Variants in PAN3 observed in about 807,000 individuals in gnomAD.
The protein encoded by PAN3 is PAN2-PAN3 deadenylation complex subunit PAN3.
Under a neutral mutation model 96.2 loss-of-function variants are expected in PAN3, and 19 were observed. That is an observed-to-expected ratio of 0.20 (90% CI 0.14 to 0.29). PAN3 has a LOEUF of 0.29. Ranked by LOEUF, PAN3 falls within the 10% of genes least tolerant of loss-of-function variation. PAN3 has a pLI of 1.00. For synonymous variants in PAN3, 433 were observed against 406.6 expected, an observed-to-expected ratio of 1.06 and a Z score of -0.78; for missense variants, 882 against 1,108.1, an observed-to-expected ratio of 0.80 and a Z score of 2.90.
At chr13:28,175,168 G>A (rs1874803636) in intron 2 of PAN3, among the ~76,000 whole-genome samples, 1 of 152,172 alleles carries the variant, frequency 6.6e-6, no homozygotes, top group Admixed American at 6.5e-5. Context: ...TCTAGTTTCT[G>A]TGATGTACTA....
At position 28,293,386 on chromosome 13, in the gene PAN3, G is replaced by GTTTT. The variant is rs1231224488; in HGVS notation, c.*864_*865insTTTT. ...TACTTTAGGTTCTTTCCAGTTTGCT[G>GTTTT]GTTTTTTTTTTTTTTTTTTTTTTTT... On this transcript the variant is annotated 3_prime_UTR_variant, in exon 19 of 19. Coordinates refer to ENST00000380958, the MANE Select transcript of PAN3 (RefSeq NM_175854.8). The GTTTT allele has an allele frequency of 4.0e-5, 2 of 50,340 alleles. No individual in the cohort carries two copies. The highest frequency in any genetic ancestry group is 7.1e-5 in the Non-Finnish European group (2 of 28,368). The allele number at this position is 50,340 out of a possible 1,614,324, so 3.1% of individuals were successfully genotyped here. A position where few individuals can be genotyped will look rare whatever the true frequency, so the allele number is the denominator to read the frequency against.
rs538494197 is a variant in PAN3 at position 28,178,181 on chromosome 13, A to G, written c.690+246A>G. ...CTGCTTATTTTTGTTCAGTTTATTT[A>G]TCTCAATGTATTCTGTTCTTAAGAT... is the stretch of plus-strand genomic sequence containing the variant. On this transcript the variant is annotated intron_variant, in intron 4 of 18. Coordinates refer to ENST00000380958, the MANE Select transcript of PAN3 (RefSeq NM_175854.8). 2.6e-5 allele frequency among the ~76,000 whole-genome samples: 4 copies of G among 152,194 alleles called. No individual in the cohort carries two copies. In the South Asian group the frequency reaches 8.3e-4, roughly 32 times the overall value.
chr13:28,262,188 T>C (rs1885797258), intron 9 of PAN3, among the ~76,000 whole-genome samples: 1 of 152,208 alleles, frequency 6.6e-6, no homozygotes, highest in African/African-American at 2.4e-5. Flanking sequence ...ACAGGTTAAG[T>C]AACTTAACCT....
chr13:28,268,156 G>A (rs777689585), intron 12 of PAN3, among the ~76,000 whole-genome samples: 10 of 152,044 alleles, frequency 6.6e-5, no homozygotes, highest in Non-Finnish European at 1.3e-4. Context: ...TACAACCATT[G>A]TGAATCTTTT....
intron 1 of PAN3, among the ~76,000 whole-genome samples, chr13:28,149,312 G>A (rs1455511412): frequency 6.6e-6 from 1 of 152,074 alleles, no homozygotes; most frequent in South Asian, 2.1e-4. Flanking sequence ...GCAGTGAGCC[G>A]TGATCATGCC....
chr13:28,195,518 A>G (rs569846229), intron 4 of PAN3, among the ~76,000 whole-genome samples: 3 of 151,446 alleles, frequency 2.0e-5, no homozygotes, highest in Admixed American at 6.6e-5. Flanking sequence ...TTTTTTTGTT[A>G]TTGTTGTTTT....
intron 18 of PAN3, among the ~76,000 whole-genome samples, chr13:28,288,860 T>TCGCC (rs1317161153): frequency 7.5e-6 from 1 of 133,838 alleles, no homozygotes; most frequent in African/African-American, 2.9e-5. Context: ...AGACGGAGTC[T>TCGCC]CTGTCACCCA....
chr13:28,138,205 C>G (rs979821655), upstream of PAN3: 1 of 152,238 alleles, frequency 6.6e-6, no homozygotes, highest in African/African-American at 2.4e-5. Flanking sequence ...GCAGCGGCGA[C>G]GGCCGTCTCA....
At chr13:28,279,525 C>T (rs917829665) in intron 15 of PAN3, among the ~76,000 whole-genome samples, 1 of 151,928 alleles carries the variant, frequency 6.6e-6, no homozygotes, top group Non-Finnish European at 1.5e-5. Context: ...TTTGGGAGGC[C>T]AAGGCAGGTG....
At chr13:28,239,609 A>G (rs1233108985) in intron 6 of PAN3, 1 of 1,289,630 alleles carries the variant, frequency 7.8e-7, no homozygotes, top group East Asian at 5.5e-5. Context: ...TCAGCACTGG[A>G]CTTGAAGATA....
At position 28,280,555 on chromosome 13, in the gene PAN3, A is replaced by ATTTTTTTTTTTTTTTTTTTTTTT. The variant is rs35542876; in HGVS notation, c.2319+16_2319+38dup. 2 of 972,716 alleles carry ATTTTTTTTTTTTTTTTTTTTTTT rather than the reference A, an allele frequency of 2.1e-6. No individual in the cohort carries two copies. The allele number at this position is 972,716 out of a possible 1,614,324, so 60.3% of individuals were successfully genotyped here. Reference sequence around the variant, plus strand: ...GACCTTGCAAAGGTAAAGAGTGTAAATTTTTTTTTTTTTTTTTTTTTTTTG... The same window carrying ATTTTTTTTTTTTTTTTTTTTTTT: ...GACCTTGCAAAGGTAAAGAGTGTAAATTTTTTTTTTTTTTTTTTTTTTTTTTTTTTTTTTTTTTTTTTTTTTTG... On this transcript the variant is annotated intron_variant, in intron 16 of 18. Coordinates refer to ENST00000380958, the MANE Select transcript of PAN3 (RefSeq NM_175854.8).
At chr13:28,290,163 G>A (rs963549561) in intron 18 of PAN3, among the ~76,000 whole-genome samples, 22 of 152,096 alleles carry the variant, frequency 1.4e-4, no homozygotes, top group African/African-American at 4.8e-4. Flanking sequence ...AACATTTACC[G>A]TCTGACCCTT....
At chr13:28,268,095 C>G (rs905614348) in intron 12 of PAN3, among the ~76,000 whole-genome samples, 2 of 152,108 alleles carry the variant, frequency 1.3e-5, no homozygotes, top group African/African-American at 4.8e-5. Flanking sequence ...ATAAAGGTGA[C>G]TTGGAAAATT....
chr13:28,139,514 T>TGTGTGTG (rs1869353072), intron 1 of PAN3, among the ~76,000 whole-genome samples: 7 of 93,100 alleles, frequency 7.5e-5, no homozygotes, highest in Admixed American at 1.1e-4. Flanking sequence ...AGGGGTGTGT[T>TGTGTGTG]TGTGTGTGTG....
Position 28,146,300 on chromosome 13 carries a change from G to GTCTCTC in PAN3, c.430+7234_430+7239dup, listed in dbSNP as rs71086834. Among the ~76,000 whole-genome samples, 752 of 143,496 alleles carry GTCTCTC rather than the reference G, an allele frequency of 5.2e-3. 2 individuals are homozygous for GTCTCTC. The highest frequency in any genetic ancestry group is 7.6e-3 in the South Asian group (34 of 4,492). The allele number at this position is 143,496 out of a possible 152,430, so 94.1% of individuals were successfully genotyped here. A position where few individuals can be genotyped will look rare whatever the true frequency, so the allele number is the denominator to read the frequency against. ...TATATATATTTTTTCCTCTTTCTCTGTCTCTCTCTCTCTCTCTCTCTCTCT... is the reference window on the plus strand; with the variant it reads ...TATATATATTTTTTCCTCTTTCTCTGTCTCTCTCTCTCTCTCTCTCTCTCTCTCTCT... On this transcript the variant is annotated intron_variant, in intron 1 of 18. Transcript: ENST00000380958.
intron 5 of PAN3, among the ~76,000 whole-genome samples, chr13:28,218,978 C>T (rs1034101010): frequency 3.3e-5 from 5 of 152,168 alleles, no homozygotes; most frequent in South Asian, 2.1e-4. Context: ...CCGGCCCTGA[C>T]ATACTTTTCA....
In PAN3 at chr13:28,167,451, G is replaced by A. The variant is rs185074261; in HGVS notation, c.431-6821G>A. On this transcript the variant is annotated intron_variant, in intron 1 of 18. Transcript: ENST00000380958. Reference sequence around the variant, plus strand: ...GTTGGGATTATAGGTGTGAGCCATTGCGCCCGGCCCAATACCCATTTTTAA... The same window carrying A: ...GTTGGGATTATAGGTGTGAGCCATTACGCCCGGCCCAATACCCATTTTTAA... 3.1e-4 allele frequency among the ~76,000 whole-genome samples: 47 copies of A among 152,136 alleles called. No individual in the cohort carries two copies. The East Asian group carries it at 5.0e-3, about 16-fold the overall frequency.
chr13:28,270,796 A>C lies in PAN3; in HGVS notation c.1888A>C (p.Thr630Pro). Residue 630 changes from threonine (T) to proline (P), a missense_variant, in exon 13 of 19, where the codon ACC (threonine) becomes CCC (proline). Around this residue, in one of 3 missense-constraint regions of PAN3, gnomAD observed 364 missense variants for 513.6 expected, o/e 0.71. Coordinates refer to ENST00000380958, the MANE Select transcript of PAN3 (RefSeq NM_175854.8). ...YIVQLSSALR[T>P]IHTAGLACRV... ...TGTCCAACTAAGTTCTGCATTGCGT[A>C]CCATTCATACAGCAGGTTTGGCATG... The C allele has an allele frequency of 6.2e-7, 1 of 1,613,968 alleles. No individual in the cohort carries two copies. Among genetic ancestry groups the C allele is most frequent in the Non-Finnish European group, 8.5e-7 (1 of 1,179,876 alleles).
intron 6 of PAN3, among the ~76,000 whole-genome samples, chr13:28,247,582 C>T (rs948605480): frequency 3.9e-5 from 6 of 152,058 alleles, no homozygotes; most frequent in African/African-American, 1.4e-4. Flanking sequence ...AGTCTTTAAT[C>T]CACTTTGATT....
Sources: gnomAD v4.1 joint callset for allele counts (sites outside exome capture counted in the v4.1 genomes callset) on GRCh38, gnomAD v4.1.1 for gene constraint, gnomAD v4.1.1 regional missense constraint, MANE v1.5 for transcripts, NCBI Gene and HGNC (gene_info 2026-07-23, HGNC 2026-07-21) for gene names.